Variants in TSHZ2 observed in about 807,000 individuals in gnomAD.
TSHZ2 encodes the protein teashirt homolog 2.
A neutral mutation model predicts 74.4 loss-of-function variants in TSHZ2; 21 were observed. That is an observed-to-expected ratio of 0.28 (90% CI 0.20 to 0.41). TSHZ2 has a LOEUF of 0.41. TSHZ2 is among the 10% of genes least tolerant of loss of function. The pLI, the probability that TSHZ2 is intolerant of heterozygous loss-of-function variation, is 1.00. For missense variants in TSHZ2, 1,244 were observed against 1,293.5 expected, an observed-to-expected ratio of 0.96 and a Z score of 0.59; for synonymous variants, 540 against 515.3, an observed-to-expected ratio of 1.05 and a Z score of -0.65.
At chr20:53,425,509 A>T (rs1983624942) in intron 2 of TSHZ2, among the ~76,000 whole-genome samples, 1 of 152,228 alleles carries the variant, frequency 6.6e-6, no homozygotes, top group African/African-American at 2.4e-5. Context: ...TCACGGGTGT[A>T]TATTGAGAAT....
chr20:53,333,504 G>A (rs1979812222), intron 2 of TSHZ2, among the ~76,000 whole-genome samples: 1 of 151,704 alleles, frequency 6.6e-6, no homozygotes, highest in South Asian at 2.1e-4. Context: ...CACCCAGGCT[G>A]GAGTGCAGTG....
At chr20:53,466,100 A>G (rs1427717076) in intron 2 of TSHZ2, among the ~76,000 whole-genome samples, 1 of 152,038 alleles carries the variant, frequency 6.6e-6, no homozygotes, top group Non-Finnish European at 1.5e-5. Context: ...TACAAAAATT[A>G]GCTGGGTGTG....
At chr20:53,478,845 C>G (rs1986066481) in intron 2 of TSHZ2, among the ~76,000 whole-genome samples, 1 of 150,562 alleles carries the variant, frequency 6.6e-6, no homozygotes, top group Non-Finnish European at 1.5e-5. Flanking sequence ...AGCCTACACA[C>G]AAACCGCAAA....
chr20:53,376,648 T>C (rs1404009886), intron 2 of TSHZ2, among the ~76,000 whole-genome samples: 1 of 152,214 alleles, frequency 6.6e-6, no homozygotes, highest in African/African-American at 2.4e-5. Flanking sequence ...TCCACTCATA[T>C]CTGGTATCTC....
intron 1 of TSHZ2, among the ~76,000 whole-genome samples, chr20:53,101,298 T>C (rs553464433): frequency 6.6e-6 from 1 of 152,308 alleles, no homozygotes; most frequent in South Asian, 2.1e-4. Flanking sequence ...GTTCAGATCG[T>C]CACCAAAATT....
At chr20:53,122,611 A>G (rs1299581883) in intron 1 of TSHZ2, among the ~76,000 whole-genome samples, 1 of 152,152 alleles carries the variant, frequency 6.6e-6, no homozygotes, top group Non-Finnish European at 1.5e-5. Flanking sequence ...GGAAGGATGT[A>G]CAGCCTGTTG....
intron 1 of TSHZ2, among the ~76,000 whole-genome samples, chr20:53,201,120 A>G (rs936311641): frequency 8.5e-5 from 13 of 152,154 alleles, no homozygotes; most frequent in Non-Finnish European, 1.5e-4. Context: ...TCTAAGAACA[A>G]TGGGAAATTA....
At chr20:53,051,736 TGGA>T (rs1984475716) in intron 1 of TSHZ2, among the ~76,000 whole-genome samples, 1 of 152,206 alleles carries the variant, frequency 6.6e-6, no homozygotes, top group South Asian at 2.1e-4. Flanking sequence ...TGCACAAGGC[TGGA>T]CTCACACACA....
intron 2 of TSHZ2, among the ~76,000 whole-genome samples, chr20:53,405,816 C>A (rs1309702851): frequency 6.6e-6 from 1 of 151,840 alleles, no homozygotes; most frequent in Non-Finnish European, 1.5e-5. Flanking sequence ...GGCAACATGG[C>A]GAGACCCTGT....
At chr20:53,404,216 G>A (rs1325889558) in intron 2 of TSHZ2, among the ~76,000 whole-genome samples, 1 of 152,032 alleles carries the variant, frequency 6.6e-6, no homozygotes, top group Non-Finnish European at 1.5e-5. Context: ...AATTTAAAAT[G>A]CTTTTATGGA....
At chr20:52,993,490 G>T (rs1177348437) in intron 1 of TSHZ2, among the ~76,000 whole-genome samples, 3 of 152,160 alleles carry the variant, frequency 2.0e-5, no homozygotes, top group African/African-American at 4.8e-5. Context: ...ACAGTCCCCT[G>T]GGCGCCCCTC....
chr20:52,980,383 C>A (rs1055317163), intron 1 of TSHZ2, among the ~76,000 whole-genome samples: 5 of 151,522 alleles, frequency 3.3e-5, no homozygotes, highest in Non-Finnish European at 7.4e-5. Context: ...TAAGGAAAGG[C>A]CTCATGTTTC....
At chr20:53,147,312 C>A (rs549063959) in intron 1 of TSHZ2, among the ~76,000 whole-genome samples, 3 of 152,074 alleles carry the variant, frequency 2.0e-5, no homozygotes, top group South Asian at 4.2e-4. Context: ...TCTTTTCATC[C>A]CCTTTTCTTT....
chr20:53,467,286 C>A (rs1985591524), intron 2 of TSHZ2, among the ~76,000 whole-genome samples: 2 of 152,188 alleles, frequency 1.3e-5, no homozygotes, highest in African/African-American at 4.8e-5. Context: ...TTGTTTAATG[C>A]AGCAACGAAA....
intron 1 of TSHZ2, among the ~76,000 whole-genome samples, chr20:53,029,785 C>T (rs939492238): frequency 6.6e-6 from 1 of 152,176 alleles, no homozygotes; most frequent in Non-Finnish European, 1.5e-5. Flanking sequence ...AGTATGATCA[C>T]ATTTTGTGTT....
chr20:53,175,029 G>A (rs968537792), intron 1 of TSHZ2, among the ~76,000 whole-genome samples: 6 of 151,382 alleles, frequency 4.0e-5, no homozygotes, highest in Admixed American at 1.3e-4. Context: ...TCTGTTTGCT[G>A]GCTTTTAGAA....
chr20:53,210,191 G>A (rs916290448), intron 1 of TSHZ2, among the ~76,000 whole-genome samples: 1 of 152,236 alleles, frequency 6.6e-6, no homozygotes, highest in Non-Finnish European at 1.5e-5. Flanking sequence ...GTGGGTGTGT[G>A]TTGCAGTGTG....
chr20:53,415,428 A>G (rs1055820420), intron 2 of TSHZ2, among the ~76,000 whole-genome samples: 2 of 151,812 alleles, frequency 1.3e-5, no homozygotes, highest in African/African-American at 2.4e-5. Flanking sequence ...ATTGCCCCCT[A>G]CAGTCTCTGC....
intron 1 of TSHZ2, among the ~76,000 whole-genome samples, chr20:53,030,010 A>G (rs1983580537): frequency 6.6e-6 from 1 of 152,172 alleles, no homozygotes; most frequent in South Asian, 2.1e-4. Context: ...CTCTTGTTTT[A>G]ACATCTGTGA....
Sources: allele counts gnomAD v4.1 joint callset (sites outside exome capture counted in the v4.1 genomes callset), GRCh38; gene constraint gnomAD v4.1.1; transcripts MANE v1.5; gene names NCBI Gene and HGNC (gene_info 2026-07-23, HGNC 2026-07-21).